Variants in C22orf23 observed in about 807,000 individuals in gnomAD.
C22orf23 encodes UPF0193 protein EVG1.
In C22orf23, 30 loss-of-function variants were observed where a neutral mutation model predicts 29.7. The ratio of observed to expected loss-of-function variants is 1.01; its 90% confidence interval spans 0.76 to 1.37. The LOEUF (loss-of-function observed/expected upper bound fraction) is 1.37, where lower values mean the gene tolerates loss of function less well. C22orf23 is among the 40% of genes most tolerant of loss of function. The pLI is 0.00. For synonymous variants in C22orf23, 90 were observed against 96.1 expected, an observed-to-expected ratio of 0.94 and a Z score of 0.37; for missense variants, 237 against 273.1, an observed-to-expected ratio of 0.87 and a Z score of 0.93.
Position 37,953,178 on chromosome 22 carries a change from A to G in C22orf23, c.-9-20T>C. The G allele has an allele frequency of 6.6e-7, 1 of 1,511,048 alleles. No homozygotes were observed. The highest frequency in any genetic ancestry group is 1.4e-5 in the African/African-American group (1 of 72,930). The allele number at this position is 1,511,048 out of a possible 1,614,324, so 93.6% of individuals were successfully genotyped here. Reference sequence around the variant, plus strand: ...AGGACTCTGAGGAGGGAAAGACGCAATGACACACCCCCTGTCTCCTGTCCC... The same window carrying G: ...AGGACTCTGAGGAGGGAAAGACGCAGTGACACACCCCCTGTCTCCTGTCCC... On this transcript the variant is annotated intron_variant, in intron 1 of 6. Transcript: ENST00000403305.
chr22:37,949,449 A>ATTT (rs71195070), intron 3 of C22orf23, among the ~76,000 whole-genome samples: 1 of 70,918 alleles, frequency 1.4e-5, no homozygotes, highest in African/African-American at 5.9e-5. Flanking sequence ...CGCCTGGCTA[A>ATTT]TTTTTTTTTT....
intron 3 of C22orf23, among the ~76,000 whole-genome samples, chr22:37,950,540 A>T (rs940121774): frequency 3.9e-5 from 6 of 152,134 alleles, no homozygotes; most frequent in Admixed American, 2.6e-4. Context: ...TCCCAGGGTC[A>T]AGTGATCCTC....
chr22:37,953,102 G>C lies in C22orf23; in HGVS notation c.48C>G (p.Phe16Leu). 1 of 1,613,948 alleles carries C rather than the reference G, an allele frequency of 6.2e-7. No individual in the cohort carries two copies. Among genetic ancestry groups the C allele is most frequent in the African/African-American group, 1.3e-5 (1 of 74,984 alleles). Residue 16 changes from phenylalanine to leucine, a missense_variant, in exon 2 of 7, where the codon TTC (phenylalanine) becomes TTG (leucine). Phe to Leu is a conservative substitution (Grantham distance 22). Transcript: ENST00000403305. ...AAGTGATGGTCTTGGGGCGGCGCCG[G>C]AACCCAGTTCCTTTGGTCACTACCT... ...QMEVVTKGTG[F>L]RRRPKTITYT...
chr22:37,952,289 C>T (rs186600280), intron 2 of C22orf23, among the ~76,000 whole-genome samples: 147 of 152,242 alleles, frequency 9.7e-4, no homozygotes, highest in African/African-American at 3.3e-3. Context: ...CGGTTCCTGC[C>T]TGATGAAATT....
intron 3 of C22orf23, among the ~76,000 whole-genome samples, chr22:37,948,710 G>T (rs2145702089): frequency 6.6e-6 from 1 of 152,230 alleles, no homozygotes; most frequent in South Asian, 2.1e-4. Flanking sequence ...CCTCTATAAT[G>T]AATGAGTGAT....
chr22:37,951,348 C>T (rs1389647319), intron 3 of C22orf23, 112 bp downstream of exon 3: 8 of 964,492 alleles, frequency 8.3e-6, no homozygotes, highest in African/African-American at 4.9e-5. Context: ...GCCACGTGCC[C>T]GGCTGTCTTT....
rs1329085926 is a variant in C22orf23, at chr22:37,944,169, G to A, written c.*6C>T. 6.2e-7 allele frequency: 1 copy of A among 1,613,494 alleles called. No homozygotes were observed. The highest frequency in any genetic ancestry group is 1.1e-5 in the South Asian group (1 of 91,076). ...TTGGGCTACCCTGCCCGTCTCTGGA[G>A]ACAGATTAAGTGGTGGCAAGACCCT... On this transcript the variant is annotated 3_prime_UTR_variant, in exon 7 of 7. Coordinates refer to ENST00000403305, the MANE Select transcript of C22orf23 (RefSeq NM_032561.5).
intron 3 of C22orf23, among the ~76,000 whole-genome samples, chr22:37,947,806 C>G (rs1489837032): frequency 6.7e-6 from 1 of 150,180 alleles, no homozygotes; most frequent in African/African-American, 2.4e-5. Context: ...CACCTGGCCA[C>G]TTTTTAAAAA....
chr22:37,944,782 C>A, intron 5 of C22orf23: 1 of 570,140 alleles, frequency 1.8e-6, no homozygotes, highest in East Asian at 3.0e-5. Context: ...GCTGGTAATC[C>A]CAGCTACTCA....
At chr22:37,950,428 T>C (rs978346941) in intron 3 of C22orf23, among the ~76,000 whole-genome samples, 1 of 152,000 alleles carries the variant, frequency 6.6e-6, no homozygotes, top group Non-Finnish European at 1.5e-5. Flanking sequence ...GTTTTTATTT[T>C]AATTTAATTT....
At chr22:37,949,834 C>T (rs975921536) in intron 3 of C22orf23, among the ~76,000 whole-genome samples, 3 of 151,998 alleles carry the variant, frequency 2.0e-5, no homozygotes, top group Non-Finnish European at 2.9e-5. Context: ...TCCCCAGGAG[C>T]GAGCGGTCAG....
chr22:37,951,401 C>G, intron 3 of C22orf23, 59 bp downstream of exon 3: 6 of 1,433,832 alleles, frequency 4.2e-6, no homozygotes, highest in South Asian at 1.2e-5. Flanking sequence ...CATGGAGAAG[C>G]ATTAAAAGTG....
intron 4 of C22orf23, among the ~76,000 whole-genome samples, chr22:37,945,836 A>AGGCAC (rs1489958886): frequency 6.8e-6 from 1 of 147,304 alleles, no homozygotes; most frequent in Non-Finnish European, 1.5e-5. Context: ...AAAAAAGTCC[A>AGGCAC]GGCACGGTGG....
chr22:37,948,200 C>T (rs1428399859), intron 3 of C22orf23, among the ~76,000 whole-genome samples: 5 of 152,158 alleles, frequency 3.3e-5, no homozygotes, highest in Non-Finnish European at 7.3e-5. Context: ...GTAATCCCAA[C>T]ACTTTGGGAG....
At chr22:37,947,934 T>C (rs142188972) in intron 3 of C22orf23, among the ~76,000 whole-genome samples, 7,257 of 151,000 alleles carry the variant, frequency 0.048, 313 homozygotes, top group African/African-American at 0.1. Context: ...GGTGTAACCC[T>C]GTCTGTACTA....
intron 4 of C22orf23, among the ~76,000 whole-genome samples, chr22:37,945,613 C>T (rs969491572): frequency 2.0e-5 from 3 of 150,640 alleles, no homozygotes; most frequent in African/African-American, 4.9e-5. Context: ...CTCAGCCTCC[C>T]GAGTAGCTGG....
intron 4 of C22orf23, 127 bp downstream of exon 4, chr22:37,947,154 C>T: frequency 1.0e-6 from 1 of 953,112 alleles, no homozygotes; most frequent in Non-Finnish European, 1.6e-6. Flanking sequence ...GGCTCAAGAG[C>T]ATTGGTACAA....
At position 37,943,283 on chromosome 22, in the gene C22orf23, G is replaced by A. The variant is rs1409265273; in HGVS notation, c.*892C>T. 6.6e-6 allele frequency: 1 copy of A among 152,228 alleles called. No homozygotes were observed. The highest frequency in any genetic ancestry group is 1.5e-5 in the Non-Finnish European group (1 of 68,106). 9.4% of individuals were successfully genotyped at this position (152,228 alleles called of 1,614,324 possible). A position where few individuals can be genotyped will look rare whatever the true frequency, so the allele number is the denominator to read the frequency against. On this transcript the variant is annotated 3_prime_UTR_variant, in exon 7 of 7. Coordinates refer to ENST00000403305, the MANE Select transcript of C22orf23 (RefSeq NM_032561.5). ...GACTCCTTCCCAGCAGGGCCTCGCA[G>A]ATGCACAAGCACGGAGCTGGTGGGT...
chr22:37,951,587 A>AGCC, intron 2 of C22orf23, 65 bp from the exon 3 acceptor site: 2 of 1,388,970 alleles, frequency 1.4e-6, no homozygotes, highest in Non-Finnish European at 2.0e-6. Context: ...CTGACACCCT[A>AGCC]CTGAAATTTA....
Sources: gnomAD v4.1 joint callset for allele counts (sites outside exome capture counted in the v4.1 genomes callset) on GRCh38, gnomAD v4.1.1 for gene constraint, MANE v1.5 for transcripts, NCBI Gene and HGNC (gene_info 2026-07-23, HGNC 2026-07-21) for gene names.